COMMD10: variants seen among roughly 807,000 people sequenced by gnomAD.
COMMD10 encodes the protein COMM domain containing 10, also known as COMM domain-containing protein 10.
In COMMD10, 33 loss-of-function variants were observed where a neutral mutation model predicts 28.9. That is an observed-to-expected ratio of 1.14 (90% CI 0.87 to 1.53). COMMD10 has a LOEUF of 1.53. Among genes scored for constraint, COMMD10 ranks in the 40% most tolerant of loss-of-function variants. The pLI, the probability that COMMD10 is intolerant of heterozygous loss-of-function variation, is 0.00. For synonymous variants in COMMD10, 110 were observed against 81.7 expected, an observed-to-expected ratio of 1.35 and a Z score of -1.87; for missense variants, 310 against 233.4, an observed-to-expected ratio of 1.33 and a Z score of -2.14.
At chr5:116,194,297 C>G (rs1239428187) in intron 5 of COMMD10, among the ~76,000 whole-genome samples, 1 of 151,690 alleles carries the variant, frequency 6.6e-6, no homozygotes, top group Non-Finnish European at 1.5e-5. Flanking sequence ...CCAAACCCAG[C>G]AAAAGAAAGG....
At chr5:116,228,675 T>G (rs1012758089) in intron 5 of COMMD10, among the ~76,000 whole-genome samples, 4 of 151,984 alleles carry the variant, frequency 2.6e-5, no homozygotes, top group African/African-American at 9.7e-5. Flanking sequence ...TTCATGAATA[T>G]TAGGATTGTA....
intron 5 of COMMD10, among the ~76,000 whole-genome samples, chr5:116,289,820 C>T (rs531151643): frequency 2.0e-5 from 3 of 152,032 alleles, no homozygotes; most frequent in East Asian, 1.9e-4. Context: ...AGCATCTCAA[C>T]TGGTCTCTCA....
In COMMD10 at chr5:116,191,859, A is replaced by G. The variant is rs942690796; in HGVS notation, c.510+57681A>G. Among the ~76,000 whole-genome samples, 6 of 151,970 alleles carry G rather than the reference A, an allele frequency of 3.9e-5. No homozygotes were observed. In the East Asian group the frequency reaches 9.8e-4, roughly 25 times the overall value. On this transcript the variant is annotated intron_variant, in intron 5 of 6. Transcript: ENST00000274458. ...CAGCACTAAAATAGAGCATTAAACCACCAAAGCTAAGAACCCTCATGGAGT... is the reference window on the plus strand; with the variant it reads ...CAGCACTAAAATAGAGCATTAAACCGCCAAAGCTAAGAACCCTCATGGAGT...
rs572101260 is a variant in COMMD10 at position 116,259,821 on chromosome 5, G to C, written c.511-31696G>C. On this transcript the variant is annotated intron_variant, in intron 5 of 6. Transcript: ENST00000274458. ...TTTCTCTAATCTGGGACTCTCCATAGTCAGAAATTGCATTTGGGAGAATGT... is the reference window on the plus strand; with the variant it reads ...TTTCTCTAATCTGGGACTCTCCATACTCAGAAATTGCATTTGGGAGAATGT... Among the ~76,000 whole-genome samples, 11 of 151,730 alleles carry C rather than the reference G, an allele frequency of 7.2e-5. No homozygotes were observed. In the East Asian group the frequency reaches 2.1e-3, roughly 29 times the overall value.
intron 5 of COMMD10, among the ~76,000 whole-genome samples, chr5:116,199,388 TCTC>T (rs1265105390): frequency 6.6e-6 from 1 of 152,152 alleles, no homozygotes; most frequent in Non-Finnish European, 1.5e-5. Flanking sequence ...GCAGATATTC[TCTC>T]CCAGTCATCT....
At chr5:116,087,630 A>T (rs1750150761) in intron 2 of COMMD10, 43 bp downstream of exon 2, 1 of 1,314,352 alleles carries the variant, frequency 7.6e-7, no homozygotes, top group Middle Eastern at 1.8e-4. Context: ...CTTCCTTCTG[A>T]TTTAATTGAA....
intron 4 of COMMD10, among the ~76,000 whole-genome samples, chr5:116,106,738 C>T (rs191861944): frequency 6.6e-6 from 1 of 151,560 alleles, no homozygotes; most frequent in East Asian, 1.9e-4. Context: ...TTATGTAATG[C>T]CCTTGTCTCT....
chr5:116,151,996 T>C (rs1267967419), intron 5 of COMMD10, among the ~76,000 whole-genome samples: 3 of 152,184 alleles, frequency 2.0e-5, no homozygotes, highest in Admixed American at 6.5e-5. Flanking sequence ...GGGTATTTAG[T>C]GCTATAAATT....
At chr5:116,179,284 T>A (rs1747863641) in intron 5 of COMMD10, among the ~76,000 whole-genome samples, 1 of 152,084 alleles carries the variant, frequency 6.6e-6, no homozygotes, top group South Asian at 2.1e-4. Flanking sequence ...TTAAAACAGA[T>A]TTTAGGAATA....
intron 5 of COMMD10, among the ~76,000 whole-genome samples, chr5:116,236,672 C>A (rs1037213725): frequency 6.6e-6 from 1 of 151,580 alleles, no homozygotes; most frequent in Non-Finnish European, 1.5e-5. Context: ...TAAAAAAGAT[C>A]AGGGGTTGGG....
At chr5:116,206,594 G>A (rs973570975) in intron 5 of COMMD10, among the ~76,000 whole-genome samples, 11 of 152,070 alleles carry the variant, frequency 7.2e-5, no homozygotes, top group African/African-American at 2.7e-4. Flanking sequence ...AGAGATTGCA[G>A]AGAGCCAAGA....
intron 5 of COMMD10, among the ~76,000 whole-genome samples, chr5:116,165,262 G>T (rs566066132): frequency 5.9e-5 from 9 of 152,124 alleles, no homozygotes; most frequent in Non-Finnish European, 1.2e-4. Flanking sequence ...CCTTAATCGA[G>T]TTCTCCTGGC....
intron 4 of COMMD10, among the ~76,000 whole-genome samples, chr5:116,101,892 CT>C (rs548994289): frequency 7.7e-4 from 117 of 152,254 alleles, no homozygotes; most frequent in Admixed American, 1.2e-3. Context: ...CCTGTGCCCA[CT>C]TTTTAATGGG....
intron 5 of COMMD10, among the ~76,000 whole-genome samples, chr5:116,281,443 A>C (rs1038961713): frequency 6.6e-5 from 10 of 151,792 alleles, no homozygotes; most frequent in African/African-American, 1.7e-4. Flanking sequence ...TAAGAAATTG[A>C]CAGAATATTA....
intron 3 of COMMD10, among the ~76,000 whole-genome samples, chr5:116,091,394 C>T (rs956126987): frequency 1.3e-5 from 2 of 151,924 alleles, no homozygotes; most frequent in African/African-American, 4.8e-5. Flanking sequence ...TGATTTGAGA[C>T]AGTTATACAA....
chr5:116,212,377 C>T (rs1001663823), intron 5 of COMMD10, among the ~76,000 whole-genome samples: 3 of 151,986 alleles, frequency 2.0e-5, no homozygotes, highest in African/African-American at 7.2e-5. Context: ...CATATCCAAG[C>T]CAGTGGTAGT....
At chr5:116,170,881 C>T (rs1402849031) in intron 5 of COMMD10, among the ~76,000 whole-genome samples, 1 of 152,078 alleles carries the variant, frequency 6.6e-6, no homozygotes, top group African/African-American at 2.4e-5. Context: ...ACCATAAAAA[C>T]CCTAGGAAAA....
intron 5 of COMMD10, among the ~76,000 whole-genome samples, chr5:116,163,071 T>C (rs889730733): frequency 2.6e-5 from 4 of 151,864 alleles, no homozygotes; most frequent in African/African-American, 9.7e-5. Context: ...ATAAGAAGAG[T>C]CTTGACTTAA....
intron 5 of COMMD10, among the ~76,000 whole-genome samples, chr5:116,217,361 A>G (rs1038598289): frequency 2.0e-5 from 3 of 152,240 alleles, no homozygotes; most frequent in Admixed American, 6.5e-5. Context: ...GAAAGCCACT[A>G]TAAAACCCAA....
Sources: allele counts gnomAD v4.1 joint callset (sites outside exome capture counted in the v4.1 genomes callset), GRCh38; gene constraint gnomAD v4.1.1; transcripts MANE v1.5; gene names NCBI Gene and HGNC (gene_info 2026-07-23, HGNC 2026-07-21).